NR1I2: variants seen among roughly 807,000 people sequenced by gnomAD.
The protein encoded by NR1I2 is nuclear receptor subfamily 1 group I member 2.
NR1I2 carries 42 observed loss-of-function variants against 43.3 expected under a neutral mutation model. The observed-to-expected ratio is 0.97, with a 90% CI of 0.76 to 1.26. The LOEUF (loss-of-function observed/expected upper bound fraction) is 1.26, where lower values mean the gene tolerates loss of function less well. Ranked by LOEUF, NR1I2 falls within the 50% of genes most tolerant of loss-of-function variation. The probability of loss-of-function intolerance (pLI) is 0.00; values close to 1 mark genes in which losing one functional copy is unlikely to be tolerated. For synonymous variants in NR1I2, 229 were observed against 215.0 expected (o/e 1.06, Z -0.57); for missense variants, 559 against 566.7 (o/e 0.99, Z 0.14).
At chr3:119,794,981 A>G (rs2054976738) in intron 1 of NR1I2, among the ~76,000 whole-genome samples, 1 of 152,194 alleles carries the variant, frequency 6.6e-6, no homozygotes, top group Non-Finnish European at 1.5e-5. Flanking sequence ...ATAAAATAAA[A>G]TAGGACTGCC....
intron 1 of NR1I2, among the ~76,000 whole-genome samples, chr3:119,805,850 A>G (rs2055152273): frequency 1.3e-5 from 2 of 152,078 alleles, no homozygotes; most frequent in Admixed American, 6.5e-5. Flanking sequence ...TAAAGTATAC[A>G]TTTTGTCTGC....
chr3:119,812,675 A>G lies in NR1I2; in HGVS notation c.520-11A>G, dbSNP rs755089437. On this transcript the variant is annotated splice_polypyrimidine_tract_variant and intron_variant, in intron 4 of 8. Transcript: ENST00000393716. ...GTCTCTCCTCTGTCCACCTCCTGGC[A>G]TGTGTCCTAGCTGCCAGGGGTGCTT... is the stretch of plus-strand genomic sequence containing the variant. The G allele has an allele frequency of 3.7e-6, 6 of 1,613,470 alleles. No homozygotes were observed. Among genetic ancestry groups the G allele is most frequent in the East Asian group, 2.2e-5 (1 of 44,880 alleles).
Position 119,811,486 on chromosome 3 carries a change from C to G in NR1I2, c.332-53C>G, listed in dbSNP as rs981400014. On this transcript the variant is annotated intron_variant, in intron 3 of 8. Transcript: ENST00000393716. ...GGTTACACAGTGGCTCTCCAGGGGG[C>G]TGGAGGCTCACCAGGGGCACGTGTG... The G allele has an allele frequency of 2.6e-6, 4 of 1,545,722 alleles. No homozygotes were observed. The Admixed American group carries it at 7.5e-5, about 29-fold the overall frequency.
intron 1 of NR1I2, among the ~76,000 whole-genome samples, chr3:119,795,923 C>A (rs2054992877): frequency 6.6e-6 from 1 of 152,194 alleles, no homozygotes; most frequent in African/African-American, 2.4e-5. Flanking sequence ...GACCACTTCC[C>A]ATGTCTGTAC....
intron 2 of NR1I2, among the ~76,000 whole-genome samples, chr3:119,807,971 C>T (rs1417113429): frequency 6.6e-6 from 1 of 152,212 alleles, no homozygotes; most frequent in Non-Finnish European, 1.5e-5. Context: ...ATTCCCAAGA[C>T]AGCCAGCCTG....
chr3:119,804,318 T>A, intron 1 of NR1I2, among the ~76,000 whole-genome samples: 1 of 150,462 alleles, frequency 6.6e-6, no homozygotes, highest in East Asian at 2.0e-4. Context: ...GAGCTTGCAG[T>A]GAGCCAAGAT....
intron 5 of NR1I2, among the ~76,000 whole-genome samples, chr3:119,813,958 C>T (rs2055282357): frequency 6.6e-6 from 1 of 152,094 alleles, no homozygotes; most frequent in South Asian, 2.1e-4. Context: ...TGAAGTTCCC[C>T]AAGGATAAGA....
intron 1 of NR1I2, among the ~76,000 whole-genome samples, chr3:119,804,505 C>A (rs1246118011): frequency 7.1e-6 from 1 of 140,038 alleles, no homozygotes; most frequent in Non-Finnish European, 1.5e-5. Flanking sequence ...AGTGCAGTGG[C>A]GCGATTTCGG....
chr3:119,789,802 T>A (rs1011860601), intron 1 of NR1I2, among the ~76,000 whole-genome samples: 3 of 152,206 alleles, frequency 2.0e-5, no homozygotes, highest in African/African-American at 7.2e-5. Flanking sequence ...CCAACCAGTC[T>A]ACTATTTTGG....
intron 7 of NR1I2, 75 bp downstream of exon 7, chr3:119,815,514 G>A: frequency 7.7e-7 from 1 of 1,305,606 alleles, no homozygotes. Flanking sequence ...CCCAGTCTAT[G>A]GCCTTGCTCC....
chr3:119,810,992 C>T (rs1018490809), intron 3 of NR1I2: 1 of 154,230 alleles, frequency 6.5e-6, no homozygotes, highest in African/African-American at 2.4e-5. Context: ...TCTCTAGGGT[C>T]TTGGAGACCC....
chr3:119,804,413 A>C (rs2055123294), intron 1 of NR1I2, among the ~76,000 whole-genome samples: 1 of 145,300 alleles, frequency 6.9e-6, no homozygotes, highest in Admixed American at 6.9e-5. Context: ...CATTTAATAT[A>C]TTTACATTTA....
At chr3:119,785,835 A>T (rs2054835520) in intron 1 of NR1I2, among the ~76,000 whole-genome samples, 1 of 152,202 alleles carries the variant, frequency 6.6e-6, no homozygotes, top group Non-Finnish European at 1.5e-5. Context: ...TCTGTAACCA[A>T]CTTCTCCATC....
At chr3:119,791,058 T>C (rs935674286) in intron 1 of NR1I2, among the ~76,000 whole-genome samples, 1 of 152,222 alleles carries the variant, frequency 6.6e-6, no homozygotes, top group Non-Finnish European at 1.5e-5. Context: ...TGATTTCTGA[T>C]TCATTCCAAT....
intron 1 of NR1I2, chr3:119,792,121 G>T: frequency 1.3e-6 from 1 of 785,512 alleles, no homozygotes; most frequent in Non-Finnish European, 2.3e-6. Context: ...CCTGTCACTA[G>T]CCAGCTTCCT....
intron 3 of NR1I2, chr3:119,810,565 C>G (rs1193277402): frequency 3.6e-6 from 1 of 280,362 alleles, no homozygotes; most frequent in African/African-American, 2.2e-5. Flanking sequence ...GAAGCAGGAG[C>G]CACATGGGTG....
At chr3:119,785,124 A>G (rs13071341) in intron 1 of NR1I2, among the ~76,000 whole-genome samples, 109,757 of 152,128 alleles carry the variant, frequency 0.72, 42,253 homozygotes, top group East Asian at 1. Context: ...AGTAGCCATG[A>G]AAGTAGATAG....
chr3:119,807,422 T>C lies in NR1I2; in HGVS notation c.172T>C (p.Cys58Arg), dbSNP rs749570207. 1 of 1,614,024 alleles carries C rather than the reference T, an allele frequency of 6.2e-7. No individual in the cohort carries two copies. Among genetic ancestry groups the C allele is most frequent in the Non-Finnish European group, 8.5e-7 (1 of 1,180,026 alleles). ...TGGCTATCACTTCAATGTCATGACATGTGAAGGATGCAAGGGCTTTTTCAG... is the reference window on the plus strand; with the variant it reads ...TGGCTATCACTTCAATGTCATGACACGTGAAGGATGCAAGGGCTTTTTCAG... The change falls in exon 2 of 9, where the codon TGT becomes CGT. Residue 58 changes from cysteine (C) to arginine (R), a missense_variant. Cys to Arg is a radical substitution (Grantham distance 180, BLOSUM62 -3). Transcript: ENST00000393716.
rs2055245840 is a variant in NR1I2, at chr3:119,811,702, C to T, written c.495C>T (p.Thr165=). The T allele has an allele frequency of 6.2e-7, 1 of 1,612,254 alleles. No individual in the cohort carries two copies. Among genetic ancestry groups the T allele is most frequent in the South Asian group, 1.1e-5 (1 of 90,620 alleles). ...CTCAGATGAAAACCTTTGACACTACCTTCTCCCATTTCAAGAATTTCCGGG... is the reference window on the plus strand; with the variant it reads ...CTCAGATGAAAACCTTTGACACTACTTTCTCCCATTTCAAGAATTTCCGGG... The change falls in exon 4 of 9, where the codon ACC becomes ACT. Residue 165 remains threonine (T), a synonymous_variant. Coordinates refer to ENST00000393716, the MANE Select transcript of NR1I2 (RefSeq NM_003889.4).
Sources: gnomAD v4.1 joint callset for allele counts (sites outside exome capture counted in the v4.1 genomes callset) on GRCh38, gnomAD v4.1.1 for gene constraint, MANE v1.5 for transcripts, NCBI Gene and HGNC (gene_info 2026-07-23, HGNC 2026-07-21) for gene names.